MAEL: variants seen among roughly 807,000 people sequenced by gnomAD.
MAEL encodes maelstrom spermatogenic transposon silencer, also known as protein maelstrom homolog.
A neutral mutation model predicts 62.0 loss-of-function variants in MAEL; 46 were observed. That is an observed-to-expected ratio of 0.74 (90% CI 0.59 to 0.95). The LOEUF (loss-of-function observed/expected upper bound fraction) is 0.95. Among genes scored for constraint, MAEL ranks in the 40% least tolerant of loss-of-function variants. The pLI, the probability that MAEL is intolerant of heterozygous loss-of-function variation, is 0.00. For missense variants in MAEL, 497 were observed against 526.8 expected (o/e 0.94, Z 0.55); for synonymous variants, 172 against 175.5 (o/e 0.98, Z 0.16).
intron 6 of MAEL, 55 bp downstream of exon 6, chr1:167,004,359 C>T (rs1431820627): frequency 1.3e-6 from 2 of 1,486,744 alleles, no homozygotes; most frequent in Non-Finnish European, 1.8e-6. Flanking sequence ...ACCAAAAGAT[C>T]CATAAAACAA....
At chr1:167,010,122 G>T (rs902132084) in intron 8 of MAEL, among the ~76,000 whole-genome samples, 4 of 152,118 alleles carry the variant, frequency 2.6e-5, no homozygotes, top group African/African-American at 7.2e-5. Context: ...GTTCTCATGA[G>T]ATCTGATGGA....
At chr1:167,010,742 C>G (rs1033509893) in intron 8 of MAEL, among the ~76,000 whole-genome samples, 5 of 152,298 alleles carry the variant, frequency 3.3e-5, no homozygotes, top group African/African-American at 9.6e-5. Context: ...GCCATTATGC[C>G]TGGCTATTTT....
At chr1:167,018,073 C>T (rs1365986218) in intron 10 of MAEL, 114 bp downstream of exon 10, 5 of 986,386 alleles carry the variant, frequency 5.1e-6, no homozygotes, top group African/African-American at 3.3e-5. Context: ...TCCCCTTAAA[C>T]ATTATTTTGA....
chr1:166,989,127 G>A (rs1026658357), upstream of MAEL: 5 of 587,270 alleles, frequency 8.5e-6, no homozygotes, highest in Non-Finnish European at 2.9e-6. Context: ...TGGCACCTGC[G>A]ACGGCGCTCT....
intron 4 of MAEL, among the ~76,000 whole-genome samples, chr1:166,993,766 T>C (rs2102073865): frequency 6.6e-6 from 1 of 152,328 alleles, no homozygotes; most frequent in South Asian, 2.1e-4. Flanking sequence ...TAAGACTCTT[T>C]TGACACATGC....
upstream of MAEL, among the ~76,000 whole-genome samples, chr1:166,988,054 A>G (rs1663980597): frequency 6.6e-6 from 1 of 152,198 alleles, no homozygotes; most frequent in Non-Finnish European, 1.5e-5. Flanking sequence ...AATATTCTTT[A>G]TGTTAACAAA....
At chr1:167,010,760 T>C (rs190274188) in intron 8 of MAEL, among the ~76,000 whole-genome samples, 2 of 152,194 alleles carry the variant, frequency 1.3e-5, no homozygotes, top group Non-Finnish European at 2.9e-5. Context: ...TTTGTTCTTA[T>C]AATAGCTTGT....
chr1:166,992,807 T>C lies in MAEL; in HGVS notation c.447T>C (p.Gly149=). 6.2e-7 allele frequency: 1 copy of C among 1,605,418 alleles called. No individual in the cohort carries two copies. Among genetic ancestry groups the C allele is most frequent in the South Asian group, 1.1e-5 (1 of 88,920 alleles). ...GTGTTAAGTATTCTCTCCAAGAAGG[T>C]ATTATGGCAGATTTCCACAGTTTTA... ...IGCVKYSLQE[G]IMADFHSFIN... Residue 149 remains glycine, a synonymous_variant, in exon 4 of 12, where the codon GGT becomes GGC. Transcript: ENST00000367872.
intron 5 of MAEL, among the ~76,000 whole-genome samples, chr1:166,996,959 T>C (rs774601549): frequency 1.3e-5 from 2 of 152,214 alleles, no homozygotes; most frequent in Admixed American, 6.5e-5. Flanking sequence ...CCTGAGTAGC[T>C]GGGATTACAG....
chr1:167,014,752 G>C (rs1665315387), intron 8 of MAEL, among the ~76,000 whole-genome samples: 1 of 152,220 alleles, frequency 6.6e-6, no homozygotes, highest in Admixed American at 6.5e-5. Context: ...GCCAGGCGCA[G>C]TGGCTCATGC....
intron 5 of MAEL, among the ~76,000 whole-genome samples, chr1:166,997,868 T>C (rs940991947): frequency 2.0e-5 from 3 of 152,222 alleles, no homozygotes; most frequent in African/African-American, 7.2e-5. Context: ...TACCTGGAAT[T>C]GACTTGTGTA....
At chr1:167,006,279 A>C (rs559238786) in intron 8 of MAEL, among the ~76,000 whole-genome samples, 36 of 152,190 alleles carry the variant, frequency 2.4e-4, no homozygotes, top group African/African-American at 8.4e-4. Flanking sequence ...CACATGTTGC[A>C]CTTAGTTATT....
intron 8 of MAEL, among the ~76,000 whole-genome samples, chr1:167,010,261 TC>T (rs1432258717): frequency 6.6e-6 from 1 of 152,126 alleles, no homozygotes; most frequent in Non-Finnish European, 1.5e-5. Context: ...CCAATGCAAA[TC>T]TGTGAGTCAG....
At chr1:166,990,026 C>T in intron 2 of MAEL, 197 bp downstream of exon 2, 1 of 565,364 alleles carries the variant, frequency 1.8e-6, no homozygotes, top group Middle Eastern at 4.2e-4. Context: ...AGGGCATGCA[C>T]ACATTGGTGT....
At chr1:167,000,508 C>G (rs1664617362) in intron 5 of MAEL, among the ~76,000 whole-genome samples, 1 of 152,190 alleles carries the variant, frequency 6.6e-6, no homozygotes, top group African/African-American at 2.4e-5. Flanking sequence ...AGTGAAGATG[C>G]TGTGAACACT....
Position 166,995,138 on chromosome 1 carries a change from A to G in MAEL, c.523+1069A>G, listed in dbSNP as rs116846379. On this transcript the variant is annotated intron_variant, in intron 5 of 11. Coordinates refer to ENST00000367872, the MANE Select transcript of MAEL (RefSeq NM_032858.3). ...ATTTTGGACTTATATTTGGTTGTAT[A>G]TTTTGAATTCTTAATATGTACTAAT... Among the ~76,000 whole-genome samples, 41 of 152,212 alleles carry G rather than the reference A, an allele frequency of 2.7e-4. No individual in the cohort carries two copies. In the East Asian group the frequency reaches 7.9e-3, roughly 29 times the overall value.
At chr1:166,991,506 G>A (rs12070121) in intron 3 of MAEL, 29 bp downstream of exon 3, 1 of 1,427,978 alleles carries the variant, frequency 7.0e-7, no homozygotes. Flanking sequence ...ATTTTGCTGA[G>A]ATAAATTTGA....
chr1:167,009,590 AT>A (rs75695034), intron 8 of MAEL, among the ~76,000 whole-genome samples: 286 of 144,372 alleles, frequency 2.0e-3, no homozygotes, highest in Middle Eastern at 7.3e-3. Context: ...ATTTCTGGAG[AT>A]TTTTTTTTTT....
upstream of MAEL, among the ~76,000 whole-genome samples, chr1:166,988,332 A>G (rs954545512): frequency 2.1e-5 from 3 of 146,178 alleles, no homozygotes; most frequent in African/African-American, 7.8e-5. Flanking sequence ...CCTGGGTGAC[A>G]GACTGAGACC....
Sources: gnomAD v4.1 joint callset for allele counts (sites outside exome capture counted in the v4.1 genomes callset) on GRCh38, gnomAD v4.1.1 for gene constraint, MANE v1.5 for transcripts, NCBI Gene and HGNC (gene_info 2026-07-23, HGNC 2026-07-21) for gene names.